The following NTN1 variants were observed in gnomAD, a reference collection of about 807,000 sequenced individuals.
NTN1 encodes the protein netrin 1.
A neutral mutation model predicts 54.2 loss-of-function variants in NTN1; 11 were observed. The ratio of observed to expected loss-of-function variants is 0.20; its 90% confidence interval spans 0.13 to 0.34. The LOEUF is 0.34. Ranked by LOEUF, NTN1 falls within the 10% of genes least tolerant of loss-of-function variation. The pLI, the probability that NTN1 is intolerant of heterozygous loss-of-function variation, is 1.00. For missense variants in NTN1, 740 were observed against 893.1 expected (o/e 0.83, Z 2.18); for synonymous variants, 371 against 382.0 (o/e 0.97, Z 0.33).
chr17:9,058,442 G>A (rs974867974), intron 2 of NTN1, among the ~76,000 whole-genome samples: 1 of 151,938 alleles, frequency 6.6e-6, no homozygotes, highest in African/African-American at 2.4e-5. Context: ...TGCCGTGTAG[G>A]GAATTATGTA....
chr17:9,128,644 C>T (rs973958758), intron 2 of NTN1, among the ~76,000 whole-genome samples: 5 of 151,446 alleles, frequency 3.3e-5, no homozygotes, highest in African/African-American at 1.2e-4. Context: ...TGGATTCAAA[C>T]TGTGAGAGGA....
chr17:9,043,081 GT>G (rs978575804), intron 2 of NTN1, among the ~76,000 whole-genome samples: 2 of 150,718 alleles, frequency 1.3e-5, no homozygotes, highest in African/African-American at 2.4e-5. Context: ...CTGGTAATTT[GT>G]TTTTTTTTAA....
chr17:9,127,210 T>TAGA (rs1340187643), intron 2 of NTN1, among the ~76,000 whole-genome samples: 1 of 151,682 alleles, frequency 6.6e-6, no homozygotes, highest in Non-Finnish European at 1.5e-5. Context: ...GAGGCAGGGG[T>TAGA]AGAAGCTGGG....
intron 2 of NTN1, among the ~76,000 whole-genome samples, chr17:9,127,949 T>G (rs1437505964): frequency 1.3e-5 from 2 of 151,754 alleles, no homozygotes; most frequent in Non-Finnish European, 2.9e-5. Flanking sequence ...AAACCCCGTC[T>G]CTACTAAAAA....
At chr17:9,040,882 G>C (rs997558612) in intron 2 of NTN1, among the ~76,000 whole-genome samples, 1 of 151,886 alleles carries the variant, frequency 6.6e-6, no homozygotes, top group African/African-American at 2.4e-5. Flanking sequence ...ATCAATCATA[G>C]CTCATTGCAG....
chr17:9,185,972 C>T (rs1314802869), intron 5 of NTN1, among the ~76,000 whole-genome samples: 1 of 152,106 alleles, frequency 6.6e-6, no homozygotes, highest in African/African-American at 2.4e-5. Flanking sequence ...CTCCACAGGC[C>T]CTTCCCTCCC....
intron 2 of NTN1, among the ~76,000 whole-genome samples, chr17:9,085,010 C>T (rs2092085793): frequency 6.6e-6 from 1 of 152,198 alleles, no homozygotes; most frequent in African/African-American, 2.4e-5. Context: ...GTAGAGCCAG[C>T]AGCTTCATGC....
intron 2 of NTN1, among the ~76,000 whole-genome samples, chr17:9,104,052 G>A (rs901464958): frequency 1.6e-5 from 2 of 125,560 alleles, no homozygotes; most frequent in African/African-American, 3.0e-5. Flanking sequence ...TGGTGCCACT[G>A]TACTCCAGCC....
Position 9,239,600 on chromosome 17 carries a change from G to A in NTN1, c.1487-40G>A, listed in dbSNP as rs1372691022. 1 of 1,587,354 alleles carries A rather than the reference G, an allele frequency of 6.3e-7. No homozygotes were observed. The highest frequency in any genetic ancestry group is 1.7e-5 in the Admixed American group (1 of 59,404). On this transcript the variant is annotated intron_variant, in intron 6 of 6. Transcript: ENST00000173229. The surrounding 1 kb of genome is among the most constrained non-coding windows in gnomAD (Gnocchi z 5.2). Reference sequence around the variant, plus strand: ...CTCAGGCAGGGCGGACCTAGCCACAGCAGCTGGGAGCCCACCCGTCTGCCT... The same window carrying A: ...CTCAGGCAGGGCGGACCTAGCCACAACAGCTGGGAGCCCACCCGTCTGCCT...
At chr17:9,003,209 C>G in the NTN1 span, among the ~76,000 whole-genome samples, 1 of 151,888 alleles carries the variant, frequency 6.6e-6, no homozygotes, top group African/African-American at 2.4e-5. This position sits in a 1 kb window ranked among gnomAD's most constrained non-coding sequence, Gnocchi z 7.4. Flanking sequence ...GCCCCGCGCT[C>G]GGGAAGCTCT....
chr17:9,028,579 A>G (rs1228813681), intron 2 of NTN1, among the ~76,000 whole-genome samples: 1 of 152,184 alleles, frequency 6.6e-6, no homozygotes, highest in Non-Finnish European at 1.5e-5. Context: ...AAACTATTTG[A>G]GACTTTATGT....
At chr17:9,054,924 G>A (rs992093682) in intron 2 of NTN1, among the ~76,000 whole-genome samples, 5 of 152,220 alleles carry the variant, frequency 3.3e-5, no homozygotes, top group Non-Finnish European at 5.9e-5. Context: ...GTTTCCTTAG[G>A]GGAGGGCTAA....
chr17:9,012,722 G>C, the NTN1 span, among the ~76,000 whole-genome samples: 1 of 151,938 alleles, frequency 6.6e-6, no homozygotes, highest in Non-Finnish European at 1.5e-5. Context: ...CTCCCCTCCT[G>C]GCACGTCCTG....
rs895740192 is a variant in NTN1 at position 9,239,278 on chromosome 17, C to T, written c.1487-362C>T. Among the ~76,000 whole-genome samples, 1 of 152,176 alleles carries T rather than the reference C, an allele frequency of 6.6e-6. No homozygotes were observed. The highest frequency in any genetic ancestry group is 2.4e-5 in the African/African-American group (1 of 41,444). Reference sequence around the variant, plus strand: ...CACCCCTGAGGAACCTCCCTCTCCCCGCCAGCACTGCTCTCACCCGAGCGC... The same window carrying T: ...CACCCCTGAGGAACCTCCCTCTCCCTGCCAGCACTGCTCTCACCCGAGCGC... On this transcript the variant is annotated intron_variant, in intron 6 of 6. Coordinates refer to ENST00000173229, the MANE Select transcript of NTN1 (RefSeq NM_004822.3). The surrounding 1 kb of genome is among the most constrained non-coding windows in gnomAD (Gnocchi z 5.2).
At chr17:9,118,496 G>A (rs977228582) in intron 2 of NTN1, among the ~76,000 whole-genome samples, 18 of 152,168 alleles carry the variant, frequency 1.2e-4, no homozygotes, top group Admixed American at 9.8e-4. Flanking sequence ...TGGACAACAA[G>A]GGCAAAACTC....
At chr17:9,077,315 G>A (rs937933997) in intron 2 of NTN1, among the ~76,000 whole-genome samples, 4 of 152,328 alleles carry the variant, frequency 2.6e-5, no homozygotes, top group South Asian at 4.1e-4. Flanking sequence ...TTTGAGGAAC[G>A]GCCCCAGGAG....
At chr17:9,072,215 TC>T (rs1172360018) in intron 2 of NTN1, among the ~76,000 whole-genome samples, 1 of 150,344 alleles carries the variant, frequency 6.7e-6, no homozygotes, top group Non-Finnish European at 1.5e-5. Context: ...ACCAGCCCCC[TC>T]CCGGGTGGCC....
intron 4 of NTN1, among the ~76,000 whole-genome samples, chr17:9,182,445 G>A (rs892804651): frequency 3.3e-5 from 5 of 152,248 alleles, no homozygotes; most frequent in African/African-American, 7.2e-5. Flanking sequence ...TTCTCTGCAC[G>A]TGGGAGAAAC....
chr17:9,050,914 A>G (rs2091958482), intron 2 of NTN1, among the ~76,000 whole-genome samples: 2 of 152,176 alleles, frequency 1.3e-5, no homozygotes, highest in African/African-American at 2.4e-5. Flanking sequence ...TATTTTCTCC[A>G]TGAGTCAGCT....
Sources: allele counts gnomAD v4.1 joint callset (sites outside exome capture counted in the v4.1 genomes callset), GRCh38; gene constraint gnomAD v4.1.1; non-coding constraint Gnocchi (gnomAD v3.1); transcripts MANE v1.5; gene names NCBI Gene and HGNC (gene_info 2026-07-23, HGNC 2026-07-21).